RERE: variants seen among roughly 807,000 people sequenced by gnomAD.
RERE encodes the protein arginine-glutamic acid dipeptide repeats protein.
In RERE, 40 loss-of-function variants were observed where a neutral mutation model predicts 146.1. The observed-to-expected ratio is 0.27, with a 90% CI of 0.21 to 0.36. The LOEUF (loss-of-function observed/expected upper bound fraction) is 0.36, where lower values mean the gene tolerates loss of function less well. Among genes scored for constraint, RERE ranks in the 10% least tolerant of loss-of-function variants. The probability of loss-of-function intolerance (pLI) is 1.00; values close to 1 mark genes in which losing one functional copy is unlikely to be tolerated. For missense variants in RERE, 1,933 were observed against 2,138.7 expected (o/e 0.90, Z 1.90); for synonymous variants, 1,003 against 866.0 (o/e 1.16, Z -2.78).
At chr1:8,528,750 A>G (rs1645600620) in intron 7 of RERE, among the ~76,000 whole-genome samples, 1 of 152,228 alleles carries the variant, frequency 6.6e-6, no homozygotes, top group Non-Finnish European at 1.5e-5. Flanking sequence ...ACACTCTTCT[A>G]ACCCCAAGCG....
chr1:8,364,893 A>C lies in RERE; in HGVS notation c.1448-55T>G. 4.8e-6 allele frequency: 1 copy of C among 209,620 alleles called. No individual in the cohort carries two copies. Among genetic ancestry groups the C allele is most frequent in the East Asian group, 1.4e-4 (1 of 7,194 alleles). The allele number at this position is 209,620 out of a possible 1,614,324, so 13.0% of individuals were successfully genotyped here. ...GGGGAGACACCATCATGCTCAGCCA[A>C]GGCTGGGCCGGTGGGGTGGGGGGGA... is the stretch of plus-strand genomic sequence containing the variant. On this transcript the variant is annotated intron_variant, in intron 13 of 22. Coordinates refer to ENST00000400908, the MANE Select transcript of RERE (RefSeq NM_001042681.2). The surrounding 1 kb of genome is among the most constrained non-coding windows in gnomAD (Gnocchi z 5.1).
At position 8,720,470 on chromosome 1, in the gene RERE, T is replaced by C. The variant is rs183977743; in HGVS notation, c.-144-64029A>G. Among the ~76,000 whole-genome samples the C allele has an allele frequency of 2.5e-3, 386 of 152,042 alleles. 1 individual carries two copies. Among genetic ancestry groups the C allele is most frequent in the Admixed American group, 7.8e-3 (119 of 15,270 alleles). ...AGTAGAGCAAGAAGGATTAAACATA[T>C]GCAGAGGGTAGGTACCAGCTGGAGA... On this transcript the variant is annotated intron_variant, in intron 1 of 22. Coordinates refer to ENST00000400908, the MANE Select transcript of RERE (RefSeq NM_001042681.2).
chr1:8,487,341 G>C (rs886921367), intron 10 of RERE, among the ~76,000 whole-genome samples: 2 of 152,066 alleles, frequency 1.3e-5, no homozygotes, highest in Non-Finnish European at 2.9e-5. Flanking sequence ...TCAGCATTTG[G>C]GGAAGCTGAG....
intron 1 of RERE, among the ~76,000 whole-genome samples, chr1:8,783,989 A>G (rs1451901659): frequency 2.6e-5 from 4 of 152,146 alleles, no homozygotes; most frequent in African/African-American, 9.7e-5. Context: ...AACCCTGCCA[A>G]CCGACACCTT....
chr1:8,469,020 G>A (rs1373397001), intron 10 of RERE, among the ~76,000 whole-genome samples: 1 of 152,140 alleles, frequency 6.6e-6, no homozygotes, highest in Non-Finnish European at 1.5e-5. Context: ...ATGCGACCTT[G>A]AGAGAGTTAC....
chr1:8,624,942 C>T (rs1263350613), intron 2 of RERE, among the ~76,000 whole-genome samples: 1 of 152,130 alleles, frequency 6.6e-6, no homozygotes. Flanking sequence ...TTACATTGTA[C>T]CCTAAACACA....
At chr1:8,479,329 A>G (rs1265488021) in intron 10 of RERE, among the ~76,000 whole-genome samples, 3 of 151,824 alleles carry the variant, frequency 2.0e-5, no homozygotes, top group Non-Finnish European at 4.4e-5. Flanking sequence ...AAATTTCAAA[A>G]TAAGTAATAT....
intron 10 of RERE, among the ~76,000 whole-genome samples, chr1:8,490,699 C>A (rs1208495872): frequency 6.7e-6 from 1 of 150,356 alleles, no homozygotes; most frequent in Non-Finnish European, 1.5e-5. Flanking sequence ...TGATTCCATT[C>A]CTGTAACATT....
intron 8 of RERE, among the ~76,000 whole-genome samples, chr1:8,508,169 C>A (rs561642359): frequency 9.9e-5 from 15 of 152,274 alleles, no homozygotes; most frequent in African/African-American, 3.1e-4. Context: ...GCTATTAACA[C>A]GGATGAACCA....
chr1:8,415,319 A>C (rs1435604488), intron 12 of RERE, among the ~76,000 whole-genome samples: 1 of 152,222 alleles, frequency 6.6e-6, no homozygotes, highest in African/African-American at 2.4e-5. Flanking sequence ...CAAAGTCATA[A>C]ATGTCTCCAT....
chr1:8,681,451 T>C (rs1014008850), intron 1 of RERE, among the ~76,000 whole-genome samples: 25 of 152,216 alleles, frequency 1.6e-4, no homozygotes, highest in African/African-American at 6.0e-4. Context: ...ATTTCTATCG[T>C]AAATATTTGA....
At chr1:8,684,003 T>G (rs1639032505) in intron 1 of RERE, among the ~76,000 whole-genome samples, 1 of 152,180 alleles carries the variant, frequency 6.6e-6, no homozygotes, top group African/African-American at 2.4e-5. Flanking sequence ...TACAACCTAA[T>G]CTTAATTAAA....
At chr1:8,541,033 CAA>C (rs1645793995) in intron 7 of RERE, among the ~76,000 whole-genome samples, 179 bp downstream of exon 7, 1 of 152,084 alleles carries the variant, frequency 6.6e-6, no homozygotes, top group South Asian at 2.1e-4. Flanking sequence ...CTTTAGATGT[CAA>C]AGACATTAAT....
chr1:8,773,653 G>A (rs747923905), intron 1 of RERE, among the ~76,000 whole-genome samples: 1 of 152,136 alleles, frequency 6.6e-6, no homozygotes, highest in Non-Finnish European at 1.5e-5. Flanking sequence ...GTGAAACCCT[G>A]TCTCTACTAA....
Position 8,364,913 on chromosome 1 carries a change from G to A in RERE, c.1448-75C>T, listed in dbSNP as rs1242314970. 2 of 733,770 alleles carry A rather than the reference G, an allele frequency of 2.7e-6. No individual in the cohort carries two copies. The highest frequency in any genetic ancestry group is 2.1e-5 in the Admixed American group (1 of 47,272). The allele number at this position is 733,770 out of a possible 1,614,324, so 45.5% of individuals were successfully genotyped here. On this transcript the variant is annotated intron_variant, in intron 13 of 22. Coordinates refer to ENST00000400908, the MANE Select transcript of RERE (RefSeq NM_001042681.2). The surrounding 1 kb of genome is among the most constrained non-coding windows in gnomAD (Gnocchi z 5.1). ...AGCCAAGGCTGGGCCGGTGGGGTGG[G>A]GGGGAGGGGGGAACACCTGTGACCT...
At chr1:8,813,603 C>A (rs1207097031) in intron 1 of RERE, among the ~76,000 whole-genome samples, 1 of 142,212 alleles carries the variant, frequency 7.0e-6, no homozygotes. Flanking sequence ...TGTTTACTAT[C>A]CTATTTTTTC....
At chr1:8,422,392 T>G (rs963143997) in intron 12 of RERE, among the ~76,000 whole-genome samples, 2 of 152,224 alleles carry the variant, frequency 1.3e-5, no homozygotes, top group African/African-American at 4.8e-5. Flanking sequence ...AAAATGCTAT[T>G]TCCTATTCCA....
intron 8 of RERE, among the ~76,000 whole-genome samples, chr1:8,499,015 G>GT (rs904401577): frequency 2.6e-5 from 4 of 152,020 alleles, no homozygotes; most frequent in African/African-American, 9.7e-5. Context: ...CACCAAGACT[G>GT]TAAGTGATCA....
At chr1:8,566,532 T>C (rs574453809) in intron 4 of RERE, among the ~76,000 whole-genome samples, 64 of 151,928 alleles carry the variant, frequency 4.2e-4, no homozygotes, top group Non-Finnish European at 6.5e-4. Context: ...AGGCAGAGAA[T>C]TGCTTGAACC....
Sources: allele counts gnomAD v4.1 joint callset (sites outside exome capture counted in the v4.1 genomes callset), GRCh38; gene constraint gnomAD v4.1.1; non-coding constraint Gnocchi (gnomAD v3.1); transcripts MANE v1.5; gene names NCBI Gene and HGNC (gene_info 2026-07-23, HGNC 2026-07-21).